RAB3GAP2: variants seen among roughly 807,000 people sequenced by gnomAD.
The protein encoded by RAB3GAP2 is rab3 GTPase-activating protein non-catalytic subunit.
RAB3GAP2 carries 87 observed loss-of-function variants against 185.3 expected under a neutral mutation model. The observed-to-expected ratio is 0.47, with a 90% confidence interval of 0.39 to 0.56. RAB3GAP2 has a LOEUF of 0.56. Ranked by LOEUF, RAB3GAP2 falls within the 20% of genes least tolerant of loss-of-function variation. The pLI is 0.00. For synonymous variants in RAB3GAP2, 554 were observed against 576.1 expected (o/e 0.96, Z 0.55); for missense variants, 1,492 against 1,638.2 (o/e 0.91, Z 1.54).
Position 220,171,125 on chromosome 1 carries a change from T to C in RAB3GAP2, c.2578-5A>G, listed in dbSNP as rs778388350. 3.1e-6 allele frequency: 5 copies of C among 1,611,894 alleles called. No individual in the cohort carries two copies. In the Admixed American group the frequency reaches 6.7e-5, roughly 21 times the overall value. The stretch of plus-strand genomic sequence containing the variant: ...ACCCAAAACTGTTTGGGAAAACTAA[T>C]AAAAAATGCACTGGTGATTCTTTGC... On this transcript the variant is annotated splice_region_variant and splice_polypyrimidine_tract_variant and intron_variant, in intron 23 of 34. Coordinates refer to ENST00000358951, the MANE Select transcript of RAB3GAP2 (RefSeq NM_012414.4).
intron 1 of RAB3GAP2, among the ~76,000 whole-genome samples, chr1:220,248,247 A>C (rs986096409): frequency 6.6e-6 from 1 of 152,192 alleles, no homozygotes; most frequent in Non-Finnish European, 1.5e-5. Flanking sequence ...CAAAGGGTAA[A>C]AGTTTTCAGT....
intron 2 of RAB3GAP2, among the ~76,000 whole-genome samples, chr1:220,231,157 C>T (rs144996376): frequency 3.2e-4 from 48 of 152,322 alleles, no homozygotes; most frequent in Non-Finnish European, 6.2e-4. Context: ...AGCTTGACAT[C>T]TGGCCTGCTT....
At chr1:220,204,416 G>A (rs145206353) in intron 8 of RAB3GAP2, among the ~76,000 whole-genome samples, 220 of 152,118 alleles carry the variant, frequency 1.4e-3, no homozygotes, top group African/African-American at 4.9e-3. Context: ...GCAATTTTCC[G>A]TAGGTAAGAA....
At chr1:220,172,991 G>T (rs925064104) in intron 21 of RAB3GAP2, among the ~76,000 whole-genome samples, 1 of 152,164 alleles carries the variant, frequency 6.6e-6, no homozygotes. Flanking sequence ...GTTAAGCATT[G>T]CCTTCCAATC....
At position 220,272,424 on chromosome 1, in the gene RAB3GAP2, T is replaced by G; in HGVS notation, c.-87A>C. 3 of 847,120 alleles carry G rather than the reference T, an allele frequency of 3.5e-6. No homozygotes were observed. The highest frequency in any genetic ancestry group is 3.9e-6 in the Non-Finnish European group (2 of 509,990). The allele number at this position is 847,120 out of a possible 1,614,324, so 52.5% of individuals were successfully genotyped here. A position where few individuals can be genotyped will look rare whatever the true frequency, so the allele number is the denominator to read the frequency against. On this transcript the variant is annotated 5_prime_UTR_variant, in exon 1 of 35. Coordinates refer to ENST00000358951, the MANE Select transcript of RAB3GAP2 (RefSeq NM_012414.4). ...CACTGCGGCCGCCACCGAGCCCCAA[T>G]AGCTCTAGCCAAGCAGAAGGCGGAG...
In RAB3GAP2 at chr1:220,210,022, T is replaced by C. The variant is rs145369044; in HGVS notation, c.612+366A>G. Among the ~76,000 whole-genome samples, 6 of 152,246 alleles carry C rather than the reference T, an allele frequency of 3.9e-5. No individual in the cohort carries two copies. The East Asian group carries it at 1.2e-3, about 29-fold the overall frequency. On this transcript the variant is annotated intron_variant, in intron 7 of 34. Transcript: ENST00000358951. ...AGTATCACTAGTAACAAGGCCAAAT[T>C]TTTTTTCTTTTACTCTGGGTAATTT...
At chr1:220,260,358 T>C (rs1307993690) in intron 1 of RAB3GAP2, among the ~76,000 whole-genome samples, 1 of 152,166 alleles carries the variant, frequency 6.6e-6, no homozygotes, top group Admixed American at 6.5e-5. Context: ...TGCCCATCAA[T>C]GATAGACTGG....
intron 1 of RAB3GAP2, among the ~76,000 whole-genome samples, chr1:220,252,152 G>GAAAAAAAAAAAAA (rs58516168): frequency 1.0e-5 from 1 of 95,968 alleles, no homozygotes. Context: ...CTCAAAAAAA[G>GAAAAAAAAAAAAA]AAAAAAAAAA....
intron 24 of RAB3GAP2, among the ~76,000 whole-genome samples, chr1:220,169,105 C>T (rs1658126388): frequency 6.6e-6 from 1 of 152,152 alleles, no homozygotes; most frequent in South Asian, 2.1e-4. Context: ...ATTCAAATGG[C>T]ATCCTTACCC....
intron 3 of RAB3GAP2, 52 bp from the exon 4 acceptor site, chr1:220,213,020 A>G (rs1334282524): frequency 7.5e-7 from 1 of 1,341,808 alleles, no homozygotes; most frequent in Non-Finnish European, 1.0e-6. Context: ...ATACACTAAA[A>G]GAGTAATTTA....
At chr1:220,238,101 T>C (rs1385097884) in intron 1 of RAB3GAP2, among the ~76,000 whole-genome samples, 1 of 152,120 alleles carries the variant, frequency 6.6e-6, no homozygotes, top group Non-Finnish European at 1.5e-5. Flanking sequence ...AGTGCAGTGG[T>C]GCAATTATAG....
chr1:220,182,949 A>G lies in RAB3GAP2; in HGVS notation c.1999-18T>C, dbSNP rs1002631857. The G allele has an allele frequency of 1.3e-6, 2 of 1,580,610 alleles. No homozygotes were observed. The highest frequency in any genetic ancestry group is 2.7e-5 in the African/African-American group (2 of 74,122). On this transcript the variant is annotated intron_variant, in intron 19 of 34. Coordinates refer to ENST00000358951, the MANE Select transcript of RAB3GAP2 (RefSeq NM_012414.4). ...GCCAAGTCCTTTAAAACAGAAAACA[A>G]AACAAAACAACATTCCACATCTATC...
At chr1:220,228,487 A>G (rs992773082) in intron 2 of RAB3GAP2, among the ~76,000 whole-genome samples, 1 of 152,196 alleles carries the variant, frequency 6.6e-6, no homozygotes, top group East Asian at 1.9e-4. Flanking sequence ...TGTTCAAGGG[A>G]GAGGTCACAG....
At chr1:220,219,344 T>C (rs915248392) in intron 2 of RAB3GAP2, 1 of 152,216 alleles carries the variant, frequency 6.6e-6, no homozygotes, top group Non-Finnish European at 1.5e-5. Flanking sequence ...AAATTCCTCC[T>C]TTTCCAGAAA....
chr1:220,163,010 G>A (rs1291421878), intron 27 of RAB3GAP2, among the ~76,000 whole-genome samples: 2 of 152,152 alleles, frequency 1.3e-5, no homozygotes, highest in Non-Finnish European at 2.9e-5. Context: ...TAGGCATGGT[G>A]GCACATGGCT....
intron 19 of RAB3GAP2, among the ~76,000 whole-genome samples, chr1:220,183,562 A>C (rs1658453407): frequency 6.6e-6 from 1 of 152,168 alleles, no homozygotes; most frequent in African/African-American, 2.4e-5. Context: ...CAAATGCTAG[A>C]ATTTTAATAA....
Position 220,191,266 on chromosome 1 carries a change from A to G in RAB3GAP2, c.1289T>C (p.Ile430Thr). The G allele has an allele frequency of 6.9e-7, 1 of 1,457,844 alleles. No individual in the cohort carries two copies. Among genetic ancestry groups the G allele is most frequent in the Non-Finnish European group, 9.2e-7 (1 of 1,086,846 alleles). The allele number at this position is 1,457,844 out of a possible 1,614,324, so 90.3% of individuals were successfully genotyped here. Reference protein sequence around the residue: ...RMWKGYRDAQIGWIQTVEDLH... With the variant: ...RMWKGYRDAQTGWIQTVEDLH... ...GTCCTCTACAGTTTGAATCCATCCA[A>G]TTTGTGCGTCGCGGTACCCTTAGAG... Residue 430 changes from isoleucine to threonine, a missense_variant, in exon 14 of 35, where the codon ATT (isoleucine) becomes ACT (threonine). By Grantham distance (89) the Ile-to-Thr change is moderately conservative. This residue lies in a region of RAB3GAP2 where 681 missense variants were observed against 689.1 expected (regional missense o/e 0.99). Coordinates refer to ENST00000358951, the MANE Select transcript of RAB3GAP2 (RefSeq NM_012414.4).
intron 31 of RAB3GAP2, among the ~76,000 whole-genome samples, chr1:220,156,266 A>G (rs1346977603): frequency 6.6e-6 from 1 of 152,108 alleles, no homozygotes; most frequent in Non-Finnish European, 1.5e-5. Context: ...TCTCTCATTT[A>G]AGGGTGAAAT....
At chr1:220,215,480 T>C (rs930887927) in intron 2 of RAB3GAP2, among the ~76,000 whole-genome samples, 2 of 152,178 alleles carry the variant, frequency 1.3e-5, no homozygotes, top group Admixed American at 6.5e-5. Context: ...TTTTCTCATA[T>C]ACTTAAGAAA....
Sources: gnomAD v4.1 joint callset for allele counts (sites outside exome capture counted in the v4.1 genomes callset) on GRCh38, gnomAD v4.1.1 for gene constraint, gnomAD v4.1.1 regional missense constraint, MANE v1.5 for transcripts, NCBI Gene and HGNC (gene_info 2026-07-23, HGNC 2026-07-21) for gene names.